DST: variants seen among roughly 807,000 people sequenced by gnomAD.
DST encodes bullous pemphigoid antigen.
Under a neutral mutation model 875.2 loss-of-function variants are expected in DST, and 253 were observed. The observed-to-expected ratio is 0.29, with a 90% CI of 0.26 to 0.32. The LOEUF (loss-of-function observed/expected upper bound fraction) is 0.32, where lower values mean the gene tolerates loss of function less well. DST is among the 10% of genes least tolerant of loss of function. The pLI is 1.00. For synonymous variants in DST, 3,124 were observed against 3,197.1 expected (o/e 0.98, Z 0.77); for missense variants, 8,287 against 9,111.6 (o/e 0.91, Z 3.68).
intron 32 of DST, 45 bp downstream of exon 32, chr6:56,629,205 T>TAG: frequency 6.3e-7 from 1 of 1,585,916 alleles, no homozygotes; most frequent in Non-Finnish European, 8.7e-7. Context: ...TTACCATAGA[T>TAG]AGACATTAAA....
intron 4 of DST, among the ~76,000 whole-genome samples, chr6:56,773,396 T>C (rs2099671406): frequency 6.6e-6 from 1 of 152,102 alleles, no homozygotes; most frequent in African/African-American, 2.4e-5. Context: ...TCATTTCCTT[T>C]GCAACCACCC....
At chr6:56,709,382 T>G (rs16888130) in intron 5 of DST, among the ~76,000 whole-genome samples, 35,252 of 152,118 alleles carry the variant, frequency 0.23, 4,681 homozygotes, top group African/African-American at 0.34. Context: ...TGGCTTAACT[T>G]ATCAAAAATA....
intron 102 of DST, 49 bp downstream of exon 102, chr6:56,462,997 C>T (rs1265568417): frequency 5.6e-6 from 6 of 1,068,278 alleles, no homozygotes; most frequent in Non-Finnish European, 8.5e-6. Context: ...TGAGTGATAG[C>T]TTCAGTTAAA....
At chr6:56,718,579 C>G (rs1015992403) in intron 5 of DST, among the ~76,000 whole-genome samples, 1 of 152,178 alleles carries the variant, frequency 6.6e-6, no homozygotes, top group African/African-American at 2.4e-5. Flanking sequence ...GAAATAAAAA[C>G]ATGTGTCTAC....
At chr6:56,865,062 G>A (rs1769897522) in intron 3 of DST, among the ~76,000 whole-genome samples, 1 of 152,176 alleles carries the variant, frequency 6.6e-6, no homozygotes, top group Admixed American at 6.5e-5. Flanking sequence ...GGAACACTGA[G>A]GCTCCTAGAA....
At chr6:56,498,784 C>T (rs1451594779) in intron 80 of DST, among the ~76,000 whole-genome samples, 3 of 152,030 alleles carry the variant, frequency 2.0e-5, no homozygotes, top group African/African-American at 7.2e-5. Flanking sequence ...CTGGAATTGA[C>T]TGCTAAGTTG....
At chr6:56,700,981 CTTT>C (rs373838192) in intron 8 of DST, among the ~76,000 whole-genome samples, 6 of 128,480 alleles carry the variant, frequency 4.7e-5, no homozygotes, top group Non-Finnish European at 4.9e-5. Context: ...TTTCTCTTGC[CTTT>C]TTTTTTTTTT....
chr6:56,618,980 T>C, intron 36 of DST: 1 of 1,613,896 alleles, frequency 6.2e-7, no homozygotes, highest in Non-Finnish European at 8.5e-7. Flanking sequence ...CAGTTCCGCA[T>C]TCAGATTTCT....
chr6:56,800,542 C>T (rs566987637), intron 4 of DST, among the ~76,000 whole-genome samples: 1 of 152,078 alleles, frequency 6.6e-6, no homozygotes. Flanking sequence ...AGGATGAGAA[C>T]ATCCCCAGCG....
In DST at chr6:56,619,195, T is replaced by C. The variant is rs762171289; in HGVS notation, c.4930-4711A>G. On this transcript the variant is annotated intron_variant, in intron 36 of 103. Transcript: ENST00000680361. ...TAAAACCATCTGCCTGAATTTTCAG[T>C]GCTTCACATCTTTGCTGGATAGTTT... 2 of 1,614,130 alleles carry C rather than the reference T, an allele frequency of 1.2e-6. No individual in the cohort carries two copies. Among genetic ancestry groups the C allele is most frequent in the African/African-American group, 2.7e-5 (2 of 75,070 alleles).
intron 4 of DST, among the ~76,000 whole-genome samples, chr6:56,762,954 G>A (rs768088901): frequency 6.7e-6 from 1 of 149,054 alleles, no homozygotes; most frequent in East Asian, 2.0e-4. Context: ...CGGTTCAAGC[G>A]ATTCTCCTAC....
intron 4 of DST, among the ~76,000 whole-genome samples, chr6:56,812,943 A>T (rs2099762198): frequency 6.6e-6 from 1 of 152,016 alleles, no homozygotes; most frequent in South Asian, 2.1e-4. Context: ...ACGTATGTTT[A>T]TTGCGGCACT....
At chr6:56,769,205 C>A (rs1253157413) in intron 4 of DST, among the ~76,000 whole-genome samples, 1 of 152,010 alleles carries the variant, frequency 6.6e-6, no homozygotes. Context: ...ATGCTCAACA[C>A]CATATTAGAG....
intron 80 of DST, among the ~76,000 whole-genome samples, chr6:56,498,867 T>C (rs1352982612): frequency 6.6e-6 from 1 of 151,458 alleles, no homozygotes; most frequent in Non-Finnish European, 1.5e-5. Context: ...AATTCAGTTG[T>C]TCTTCAAGTA....
chr6:56,704,477 T>C (rs1488384603), intron 5 of DST, 108 bp from the exon 6 acceptor site: 3 of 548,230 alleles, frequency 5.5e-6, no homozygotes, highest in Non-Finnish European at 9.8e-6. Flanking sequence ...TGGTATTCAT[T>C]CATGCACCTA....
intron 36 of DST, chr6:56,619,901 G>A (rs2098671321): frequency 6.8e-6 from 11 of 1,614,062 alleles, no homozygotes; most frequent in Non-Finnish European, 9.3e-6. Context: ...GTCTTGTTCA[G>A]CCTTTCTATT....
At chr6:56,680,617 G>A (rs1294364857) in intron 9 of DST, among the ~76,000 whole-genome samples, 1 of 152,142 alleles carries the variant, frequency 6.6e-6, no homozygotes, top group Non-Finnish European at 1.5e-5. Context: ...ACCCCTTCCA[G>A]GCTTTCCTCC....
At chr6:56,932,332 A>G (rs561806059) in intron 2 of DST, among the ~76,000 whole-genome samples, 8 of 152,268 alleles carry the variant, frequency 5.3e-5, no homozygotes, top group African/African-American at 1.9e-4. Flanking sequence ...TGAACTTTAA[A>G]TCCAATTAAA....
rs935744910 is a variant in DST at position 56,627,417 on chromosome 6, A to T, written c.4639-130T>A. 3 of 740,546 alleles carry T rather than the reference A, an allele frequency of 4.1e-6. No homozygotes were observed. The African/African-American group carries it at 5.2e-5, about 13-fold the overall frequency. The allele number at this position is 740,546 out of a possible 1,614,324, so 45.9% of individuals were successfully genotyped here. ...CTCCTTAGCCCTTTGCACTTAATAC[A>T]CAACTTGCCTTATGGGAAAATTACA... On this transcript the variant is annotated intron_variant, in intron 33 of 103. Coordinates refer to ENST00000680361, the MANE Select transcript of DST (RefSeq NM_001374736.1).
Sources: gnomAD v4.1 joint callset for allele counts (sites outside exome capture counted in the v4.1 genomes callset) on GRCh38, gnomAD v4.1.1 for gene constraint, MANE v1.5 for transcripts, NCBI Gene and HGNC (gene_info 2026-07-23, HGNC 2026-07-21) for gene names.